Variants in SLC4A11 observed in about 807,000 individuals in gnomAD.
SLC4A11 encodes the protein bicarbonate transporter related protein 1.
SLC4A11 carries 74 observed loss-of-function variants against 95.0 expected under a neutral mutation model. The ratio of observed to expected loss-of-function variants is 0.78; its 90% confidence interval spans 0.65 to 0.95. The LOEUF (loss-of-function observed/expected upper bound fraction) is 0.95. SLC4A11 is among the 40% of genes least tolerant of loss of function. The probability of loss-of-function intolerance (pLI) is 0.00; values close to 1 mark genes in which losing one functional copy is unlikely to be tolerated. For missense variants in SLC4A11, 1,081 were observed against 1,192.4 expected (o/e 0.91, Z 1.38); for synonymous variants, 548 against 519.0 (o/e 1.06, Z -0.76).
Position 3,231,303 on chromosome 20 carries a change from C to G in SLC4A11, c.948+27G>C. On this transcript the variant is annotated intron_variant, in intron 8 of 19. Coordinates refer to ENST00000642402, the MANE Select transcript of SLC4A11 (RefSeq NM_001174089.2). This position sits in a 1 kb window ranked among gnomAD's most constrained non-coding sequence, Gnocchi z 5.2. ...CGGCCCATGCCCCCGCCGACCCTGCCGGCCCCCGCCGGCCTCTACCCTGTA... is the reference window on the plus strand; with the variant it reads ...CGGCCCATGCCCCCGCCGACCCTGCGGGCCCCCGCCGGCCTCTACCCTGTA... 1 of 1,613,320 alleles carries G rather than the reference C, an allele frequency of 6.2e-7. No homozygotes were observed.
intron 1 of SLC4A11, chr20:3,238,485 T>C: frequency 5.9e-6 from 6 of 1,009,152 alleles, no homozygotes; most frequent in Non-Finnish European, 7.1e-6. Flanking sequence ...CTGGGAGGGT[T>C]GGGCCGGTGC....
rs376957191 is a variant in SLC4A11, at chr20:3,234,075, G to A, written c.523+8C>T. Reference sequence around the variant, plus strand: ...ACGCCCCCGCCCGGGCCGGGAGACCGGCCTCACCTTTACCCCGCATGGGTG... The same window carrying A: ...ACGCCCCCGCCCGGGCCGGGAGACCAGCCTCACCTTTACCCCGCATGGGTG... On this transcript the variant is annotated splice_region_variant and intron_variant, in intron 5 of 19. Coordinates refer to ENST00000642402, the MANE Select transcript of SLC4A11 (RefSeq NM_001174089.2). This position sits in a 1 kb window ranked among gnomAD's most constrained non-coding sequence, Gnocchi z 5.8. 2.8e-5 allele frequency: 45 copies of A among 1,613,698 alleles called. No homozygotes were observed. Among genetic ancestry groups the A allele is most frequent in the African/African-American group, 5.3e-5 (4 of 74,940 alleles).
Position 3,238,070 on chromosome 20 carries a change from G to A in SLC4A11, c.44-482C>T, listed in dbSNP as rs1325739685. ...TGGGGGCCATAAACGCCCATTGCAG[G>A]CGCAGTTCCCCCGACCCCCGTCACG... is the stretch of plus-strand genomic sequence containing the variant. On this transcript the variant is annotated intron_variant, in intron 1 of 19. Transcript: ENST00000642402. The A allele has an allele frequency of 5.4e-6, 8 of 1,476,878 alleles. No homozygotes were observed. The African/African-American group carries it at 7.1e-5, about 13-fold the overall frequency. The allele number at this position is 1,476,878 out of a possible 1,614,324, so 91.5% of individuals were successfully genotyped here.
In SLC4A11 at chr20:3,233,762, G is replaced by A. The variant is rs1346647539; in HGVS notation, c.606-125C>T. On this transcript the variant is annotated intron_variant, in intron 6 of 19. Transcript: ENST00000642402. Reference sequence around the variant, plus strand: ...TAGGGAGGGAAAAGAAGAGCAAATGGGACGTTCCTTGGCAGTGCTCCAGCC... The same window carrying A: ...TAGGGAGGGAAAAGAAGAGCAAATGAGACGTTCCTTGGCAGTGCTCCAGCC... 17 of 1,536,862 alleles carry A rather than the reference G, an allele frequency of 1.1e-5. No homozygotes were observed. The Admixed American group carries it at 2.9e-4, about 26-fold the overall frequency.
intron 7 of SLC4A11, 50 bp downstream of exon 7, chr20:3,233,464 G>T (rs375973518): frequency 1.9e-6 from 3 of 1,609,826 alleles, no homozygotes; most frequent in East Asian, 2.2e-5. Context: ...GCAGAGGGCG[G>T]GTAACCCGGG....
At position 3,239,137 on chromosome 20, in the gene SLC4A11, T is replaced by TG; in HGVS notation, c.-1dup. 6.8e-7 allele frequency: 1 copy of TG among 1,474,282 alleles called. No individual in the cohort carries two copies. The highest frequency in any genetic ancestry group is 9.0e-7 in the Non-Finnish European group (1 of 1,117,090). The allele number at this position is 1,474,282 out of a possible 1,614,324, so 91.3% of individuals were successfully genotyped here. A position where few individuals can be genotyped will look rare whatever the true frequency, so the allele number is the denominator to read the frequency against. The stretch of plus-strand genomic sequence containing the variant: ...AACACGCGCCTGGTGGCCGCGGCCA[T>TG]GGCACACTCGCGCACTCACGGCCGG... On this transcript the variant is annotated 5_prime_UTR_variant, in exon 1 of 20. Transcript: ENST00000642402.
Position 3,231,544 on chromosome 20 carries a change from C to A in SLC4A11, c.734G>T (p.Ser245Ile). Residue 245 changes from serine to isoleucine, a missense_variant, in exon 8 of 20, where the codon AGC becomes ATC. This residue lies in a region of SLC4A11 where 767 missense variants were observed against 858.0 expected (regional missense o/e 0.89). Coordinates refer to ENST00000642402, the MANE Select transcript of SLC4A11 (RefSeq NM_001174089.2). The surrounding 1 kb of genome is among the most constrained non-coding windows in gnomAD (Gnocchi z 5.2). ...CGCCACCTCCATCGCAGTCTTAGTGCTTTTCTAGGGGTGGAGGATGGGAGT... is the reference window on the plus strand; with the variant it reads ...CGCCACCTCCATCGCAGTCTTAGTGATTTTCTAGGGGTGGAGGATGGGAGT... The part of the protein sequence containing the change: ...ILVLAPPKMK[S>I]TKTAMEVART... 1 of 1,612,702 alleles carries A rather than the reference C, an allele frequency of 6.2e-7. No homozygotes were observed. Among genetic ancestry groups the A allele is most frequent in the Non-Finnish European group, 8.5e-7 (1 of 1,179,792 alleles).
intron 12 of SLC4A11, 81 bp from the exon 13 acceptor site, chr20:3,230,341 TC>T: frequency 6.3e-7 from 1 of 1,575,614 alleles, no homozygotes; most frequent in Admixed American, 1.7e-5. Flanking sequence ...CCCTGCACAG[TC>T]CCCTGCCTCC....
chr20:3,233,966 G>A lies in SLC4A11; in HGVS notation c.560C>T (p.Ala187Val). 1 of 1,613,910 alleles carries A rather than the reference G, an allele frequency of 6.2e-7. No individual in the cohort carries two copies. The highest frequency in any genetic ancestry group is 8.5e-7 in the Non-Finnish European group (1 of 1,180,014). ...LLSDTIQGVTATVTGVRYQQS... is the reference protein window; with the variant it reads ...LLSDTIQGVTVTVTGVRYQQS... The stretch of plus-strand genomic sequence containing the variant: ...CTGGTACCGCACCCCTGTCACTGTG[G>A]CGGTGACCCCTTGGATGGTATCTGA... The change falls in exon 6 of 20, where the codon GCC (alanine) becomes GTC (valine). Residue 187 changes from alanine to valine, a missense_variant. Around this residue, in one of 3 missense-constraint regions of SLC4A11, gnomAD observed 310 missense variants for 313.5 expected, o/e 0.99. Coordinates refer to ENST00000642402, the MANE Select transcript of SLC4A11 (RefSeq NM_001174089.2).
rs770159375 is a variant in SLC4A11, at chr20:3,231,566, G to A, written c.730-18C>T. ...GTGCTTTTCTAGGGGTGGAGGATGGGAGTCACCCCTAGAAACAGAGGAGGC... is the reference window on the plus strand; with the variant it reads ...GTGCTTTTCTAGGGGTGGAGGATGGAAGTCACCCCTAGAAACAGAGGAGGC... On this transcript the variant is annotated intron_variant, in intron 7 of 19. Coordinates refer to ENST00000642402, the MANE Select transcript of SLC4A11 (RefSeq NM_001174089.2). The surrounding 1 kb of genome is among the most constrained non-coding windows in gnomAD (Gnocchi z 5.2). 2 of 1,600,096 alleles carry A rather than the reference G, an allele frequency of 1.2e-6. No individual in the cohort carries two copies. Among genetic ancestry groups the A allele is most frequent in the East Asian group, 4.5e-5 (2 of 44,274 alleles).
intron 1 of SLC4A11, chr20:3,238,336 G>A: frequency 1.0e-6 from 1 of 985,478 alleles, no homozygotes; most frequent in Non-Finnish European, 1.2e-6. Context: ...GTGCACGAGA[G>A]GAAAGCGCCT....
In SLC4A11 at chr20:3,239,169, C is replaced by T. The variant is rs1340487002; in HGVS notation, c.-32G>A. 2.2e-5 allele frequency: 31 copies of T among 1,437,138 alleles called. No homozygotes were observed. In the East Asian group the frequency reaches 9.0e-4, roughly 42 times the overall value. 89.0% of individuals were successfully genotyped at this position (1,437,138 alleles called of 1,614,324 possible). ...CTCGCGCACTCACGGCCGGGCTCCTCACGCGGCGCTCCGGCGCTTCTGGAC... is the reference window on the plus strand; with the variant it reads ...CTCGCGCACTCACGGCCGGGCTCCTTACGCGGCGCTCCGGCGCTTCTGGAC... On this transcript the variant is annotated 5_prime_UTR_variant, in exon 1 of 20. Coordinates refer to ENST00000642402, the MANE Select transcript of SLC4A11 (RefSeq NM_001174089.2).
chr20:3,228,267 G>A lies in SLC4A11; in HGVS notation c.2550C>T (p.Ile850=). 1.2e-6 allele frequency: 2 copies of A among 1,612,598 alleles called. No homozygotes were observed. The highest frequency in any genetic ancestry group is 1.7e-6 in the Non-Finnish European group (2 of 1,179,868). Residue 850 remains isoleucine, a synonymous_variant, in exon 19 of 20, where the codon ATC becomes ATT. Coordinates refer to ENST00000642402, the MANE Select transcript of SLC4A11 (RefSeq NM_001174089.2). ...MIFPLIMIAM[I]PIRYILLPRI... ...TGCCCACCCGCCTGTACCGGATGGG[G>A]ATCATGGCGATCATGATGAGGGGAA...
At position 3,234,518 on chromosome 20, in the gene SLC4A11, T is replaced by G; in HGVS notation, c.291+50A>C. 1.2e-6 allele frequency: 2 copies of G among 1,611,210 alleles called. No individual in the cohort carries two copies. The highest frequency in any genetic ancestry group is 1.7e-6 in the Non-Finnish European group (2 of 1,178,234). ...GAGGATTCTCAGGGAAGCCATCACC[T>G]CAGCCCCCAGGTAGAGGCCCCAGGA... On this transcript the variant is annotated intron_variant, in intron 4 of 19. Coordinates refer to ENST00000642402, the MANE Select transcript of SLC4A11 (RefSeq NM_001174089.2). This position sits in a 1 kb window ranked among gnomAD's most constrained non-coding sequence, Gnocchi z 5.8.
intron 19 of SLC4A11, 104 bp from the exon 20 acceptor site, chr20:3,227,960 T>G (rs1242032710): frequency 2.9e-5 from 23 of 804,402 alleles, no homozygotes; most frequent in African/African-American, 9.5e-5. Context: ...GCTAGGCCTC[T>G]CCTCCCCGCC....
rs757412153 is a variant in SLC4A11, at chr20:3,234,332, A to G, written c.292-18T>C. On this transcript the variant is annotated intron_variant, in intron 4 of 19. Coordinates refer to ENST00000642402, the MANE Select transcript of SLC4A11 (RefSeq NM_001174089.2). This position sits in a 1 kb window ranked among gnomAD's most constrained non-coding sequence, Gnocchi z 5.8. ...TTCAGGTACTGAGGGGACCCCAGGGACAGAACCACACGGGCCCATGTATGA... is the reference window on the plus strand; with the variant it reads ...TTCAGGTACTGAGGGGACCCCAGGGGCAGAACCACACGGGCCCATGTATGA... 3 of 1,608,534 alleles carry G rather than the reference A, an allele frequency of 1.9e-6. No individual in the cohort carries two copies. Among genetic ancestry groups the G allele is most frequent in the Non-Finnish European group, 2.6e-6 (3 of 1,176,182 alleles).
At position 3,231,587 on chromosome 20, in the gene SLC4A11, G is replaced by A. The variant is rs766319450; in HGVS notation, c.730-39C>T. ...ATGGGAGTCACCCCTAGAAACAGAG[G>A]AGGCCCTGCCCGGGCCGAGCAGGTG... is the stretch of plus-strand genomic sequence containing the variant. On this transcript the variant is annotated intron_variant, in intron 7 of 19. Coordinates refer to ENST00000642402, the MANE Select transcript of SLC4A11 (RefSeq NM_001174089.2). The surrounding 1 kb of genome is among the most constrained non-coding windows in gnomAD (Gnocchi z 5.2). The A allele has an allele frequency of 2.5e-6, 4 of 1,592,920 alleles. No homozygotes were observed. In the Admixed American group the frequency reaches 5.0e-5, roughly 20 times the overall value.
intron 1 of SLC4A11, 180 bp from the exon 2 acceptor site, chr20:3,237,768 G>C: frequency 6.2e-7 from 1 of 1,612,116 alleles, no homozygotes; most frequent in Non-Finnish European, 8.5e-7. Flanking sequence ...CCCATAGCAG[G>C]GGAAGCCAGC....
At chr20:3,233,041 C>T (rs2067832248) in intron 7 of SLC4A11, among the ~76,000 whole-genome samples, 1 of 152,200 alleles carries the variant, frequency 6.6e-6, no homozygotes, top group African/African-American at 2.4e-5. Context: ...GAAGGCGCTG[C>T]CAAGGCCTTG....
Sources: gnomAD v4.1 joint callset for allele counts (sites outside exome capture counted in the v4.1 genomes callset) on GRCh38, gnomAD v4.1.1 for gene constraint, gnomAD v4.1.1 regional missense constraint, Gnocchi (gnomAD v3.1) non-coding constraint, MANE v1.5 for transcripts, NCBI Gene and HGNC (gene_info 2026-07-23, HGNC 2026-07-21) for gene names.